Variants in CSMD1 observed in about 807,000 individuals in gnomAD.
The protein encoded by CSMD1 is CUB and Sushi multiple domains 1.
CSMD1 carries 213 observed loss-of-function variants against 417.5 expected under a neutral mutation model. The observed-to-expected ratio is 0.51, with a 90% CI of 0.46 to 0.57. CSMD1 has a LOEUF of 0.57. Among genes scored for constraint, CSMD1 ranks in the 20% least tolerant of loss-of-function variants. The pLI is 0.00. For synonymous variants in CSMD1, 2,862 were observed against 1,736.8 expected (o/e 1.65, Z -16.11); for missense variants, 6,923 against 4,529.7 (o/e 1.53, Z -15.17).
chr8:4,330,394 G>C (rs1031789501), intron 3 of CSMD1, among the ~76,000 whole-genome samples: 1 of 152,024 alleles, frequency 6.6e-6, no homozygotes, highest in Non-Finnish European at 1.5e-5. Flanking sequence ...CAGGAGTTCA[G>C]ACCAGCCTGA....
chr8:3,288,940 A>T lies in CSMD1; in HGVS notation c.3951-4594T>A, dbSNP rs1339875584. Among the ~76,000 whole-genome samples the T allele has an allele frequency of 3.4e-5, 5 of 146,854 alleles. 1 individual carries two copies. Among genetic ancestry groups the T allele is most frequent in the African/African-American group, 1.4e-4 (5 of 36,714 alleles). ...TGCTACACCCATTAACTCATCATTT[A>T]ACATTAGGTATATCTCCTAATGCTA... On this transcript the variant is annotated intron_variant, in intron 25 of 69. Coordinates refer to ENST00000635120, the MANE Select transcript of CSMD1 (RefSeq NM_033225.6).
Position 3,157,963 on chromosome 8 carries a change from G to A in CSMD1, c.5848C>T (p.Arg1950Cys), listed in dbSNP as rs1285112102. The change falls in exon 39 of 70, where the codon CGT (arginine) becomes TGT (cysteine). Residue 1950 changes from arginine (R) to cysteine (C), a missense_variant. Physicochemically the swap from Arg to Cys is radical, Grantham distance 180 (BLOSUM62 -3). Coordinates refer to ENST00000635120, the MANE Select transcript of CSMD1 (RefSeq NM_033225.6). The stretch of plus-strand genomic sequence containing the variant: ...CCTGGCATACAGGAAATGTGGGAAC[G>A]GCCCTGTTTAAAAGAAAACAAAAGA... ...QCEPGYTLQGRSHISCMPGTV... is the reference protein window; with the variant it reads ...QCEPGYTLQGCSHISCMPGTV... 9 of 1,553,024 alleles carry A rather than the reference G, an allele frequency of 5.8e-6. No individual in the cohort carries two copies. Among genetic ancestry groups the A allele is most frequent in the Non-Finnish European group, 7.8e-6 (9 of 1,147,764 alleles).
chr8:3,357,317 C>A (rs2117697673), intron 21 of CSMD1, among the ~76,000 whole-genome samples: 1 of 152,292 alleles, frequency 6.6e-6, no homozygotes, highest in East Asian at 1.9e-4. Context: ...GCTCTGTGTC[C>A]TTGGGCAAAG....
intron 3 of CSMD1, among the ~76,000 whole-genome samples, chr8:4,087,910 G>A (rs922273070): frequency 6.6e-6 from 1 of 152,078 alleles, no homozygotes; most frequent in African/African-American, 2.4e-5. Flanking sequence ...AAAAAAGGAT[G>A]CCTGAGGTCA....
intron 3 of CSMD1, among the ~76,000 whole-genome samples, chr8:4,278,733 T>G (rs1796622216): frequency 1.3e-5 from 2 of 152,206 alleles, no homozygotes; most frequent in Admixed American, 1.3e-4. Flanking sequence ...GCCACTATCA[T>G]CTCTGTTTGA....
intron 3 of CSMD1, among the ~76,000 whole-genome samples, chr8:4,192,422 C>T (rs1191841887): frequency 6.6e-6 from 1 of 152,034 alleles, no homozygotes; most frequent in Non-Finnish European, 1.5e-5. Flanking sequence ...AAGAGGCCAC[C>T]ATCAGAATTA....
intron 1 of CSMD1, among the ~76,000 whole-genome samples, chr8:4,819,422 A>T (rs1799393173): frequency 6.6e-6 from 1 of 151,546 alleles, no homozygotes; most frequent in African/African-American, 2.4e-5. Flanking sequence ...TTCATAGAGC[A>T]AATAAAATTT....
At position 4,077,295 on chromosome 8, in the gene CSMD1, G is replaced by GTACATATATATATATATA. The variant is rs1253192594; in HGVS notation, c.416-45197_416-45196insTATATATATATATATGTA. On this transcript the variant is annotated intron_variant, in intron 3 of 69. Coordinates refer to ENST00000635120, the MANE Select transcript of CSMD1 (RefSeq NM_033225.6). ...ATTTGTCACCTATATATATATATAT[G>GTACATATATATATATATA]TGTATATATATATATATATATATAT... Among the ~76,000 whole-genome samples the GTACATATATATATATATA allele has an allele frequency of 4.0e-3, 355 of 88,634 alleles. 5 individuals are homozygous for GTACATATATATATATATA. Among genetic ancestry groups the GTACATATATATATATATA allele is most frequent in the African/African-American group, 0.015 (344 of 22,960 alleles). The allele number at this position is 88,634 out of a possible 152,430, so 58.1% of individuals were successfully genotyped here. A position where few individuals can be genotyped will look rare whatever the true frequency, so the allele number is the denominator to read the frequency against.
rs560087080 is a variant in CSMD1 at position 3,838,669 on chromosome 8, T to A, written c.819-84627A>T. Among the ~76,000 whole-genome samples the A allele has an allele frequency of 2.0e-3, 219 of 107,092 alleles. 8 individuals carry two copies. Among genetic ancestry groups the A allele is most frequent in the African/African-American group, 9.3e-3 (210 of 22,610 alleles). The allele number at this position is 107,092 out of a possible 152,430, so 70.3% of individuals were successfully genotyped here. A position where few individuals can be genotyped will look rare whatever the true frequency, so the allele number is the denominator to read the frequency against. On this transcript the variant is annotated intron_variant, in intron 5 of 69. Coordinates refer to ENST00000635120, the MANE Select transcript of CSMD1 (RefSeq NM_033225.6). The stretch of plus-strand genomic sequence containing the variant: ...ATTATATAGTATAATATATAATAAA[T>A]TAATATTATATAGTATAATATATAA...
chr8:3,486,470 G>C (rs938533225), intron 11 of CSMD1, among the ~76,000 whole-genome samples: 1 of 152,156 alleles, frequency 6.6e-6, no homozygotes, highest in Non-Finnish European at 1.5e-5. Flanking sequence ...TTTGACTGAT[G>C]AATTCTGGAA....
intron 1 of CSMD1, among the ~76,000 whole-genome samples, chr8:4,817,794 C>T (rs1026295914): frequency 6.6e-6 from 1 of 152,192 alleles, no homozygotes; most frequent in Admixed American, 6.5e-5. Flanking sequence ...AATACACCAT[C>T]ATGAGTGATA....
chr8:3,558,163 T>G (rs1825178), intron 10 of CSMD1, among the ~76,000 whole-genome samples: 2 of 144,522 alleles, frequency 1.4e-5, no homozygotes, highest in Non-Finnish European at 1.5e-5. Context: ...GGTGCCTCAA[T>G]AGCACCCCGT....
At chr8:4,376,799 G>A (rs923427651) in intron 3 of CSMD1, among the ~76,000 whole-genome samples, 4 of 152,074 alleles carry the variant, frequency 2.6e-5, no homozygotes, top group African/African-American at 7.2e-5. Flanking sequence ...TCTGTTGTCC[G>A]ACCTCTACTT....
intron 7 of CSMD1, among the ~76,000 whole-genome samples, chr8:3,683,725 T>G (rs529985791): frequency 6.6e-6 from 1 of 152,244 alleles, no homozygotes; most frequent in South Asian, 2.1e-4. Context: ...CTACAACTAG[T>G]AGGTTCAACT....
At chr8:4,662,630 T>C (rs1380883452) in intron 1 of CSMD1, among the ~76,000 whole-genome samples, 1 of 152,168 alleles carries the variant, frequency 6.6e-6, no homozygotes, top group African/African-American at 2.4e-5. Context: ...ATCATGTTCT[T>C]CAGAAATATA....
chr8:3,842,965 C>T (rs1008850297), intron 5 of CSMD1, among the ~76,000 whole-genome samples: 2 of 152,156 alleles, frequency 1.3e-5, no homozygotes, highest in African/African-American at 4.8e-5. Flanking sequence ...TCAACATTAG[C>T]TCACTCAATT....
At chr8:3,974,913 A>G (rs1359550924) in intron 5 of CSMD1, among the ~76,000 whole-genome samples, 1 of 152,206 alleles carries the variant, frequency 6.6e-6, no homozygotes, top group Admixed American at 6.5e-5. Context: ...ATCTACTACA[A>G]TAAAATTATC....
chr8:2,993,055 T>C (rs892318489), intron 54 of CSMD1, among the ~76,000 whole-genome samples: 26 of 152,298 alleles, frequency 1.7e-4, no homozygotes, highest in African/African-American at 6.3e-4. Context: ...AAGAATAAAA[T>C]AAACACTGAA....
intron 5 of CSMD1, among the ~76,000 whole-genome samples, chr8:3,903,580 C>T (rs1486869888): frequency 1.3e-5 from 2 of 152,138 alleles, no homozygotes; most frequent in African/African-American, 4.8e-5. Flanking sequence ...ATTACGGTGC[C>T]TTTTTCTTCA....
Sources: allele counts gnomAD v4.1 joint callset (sites outside exome capture counted in the v4.1 genomes callset), GRCh38; gene constraint gnomAD v4.1.1; transcripts MANE v1.5; gene names NCBI Gene and HGNC (gene_info 2026-07-23, HGNC 2026-07-21).